Variants in PHLDB2 observed in about 807,000 individuals in gnomAD.
The protein encoded by PHLDB2 is pleckstrin homology-like domain family B member 2.
PHLDB2 carries 71 observed loss-of-function variants against 123.6 expected under a neutral mutation model. That is an observed-to-expected ratio of 0.57 (90% CI 0.47 to 0.70). The LOEUF (loss-of-function observed/expected upper bound fraction) is 0.70, where lower values mean the gene tolerates loss of function less well. PHLDB2 is among the 30% of genes least tolerant of loss of function. PHLDB2 has a pLI of 0.00. For synonymous variants in PHLDB2, 547 were observed against 541.6 expected (o/e 1.01, Z -0.14); for missense variants, 1,446 against 1,519.5 (o/e 0.95, Z 0.80).
chr3:111,834,246 T>TTATATATATAATTCTATTATATACATAA (rs2063281721), intron 1 of PHLDB2, among the ~76,000 whole-genome samples: 3 of 89,886 alleles, frequency 3.3e-5, no homozygotes, highest in African/African-American at 2.4e-4. Context: ...TATAATAGAA[T>TTATATATATAATTCTATTATATACATAA]TATATATATA....
At chr3:111,743,770 A>G (rs1418731948) in intron 1 of PHLDB2, among the ~76,000 whole-genome samples, 1 of 152,242 alleles carries the variant, frequency 6.6e-6, no homozygotes, top group Non-Finnish European at 1.5e-5. Flanking sequence ...CTTTTAGTGT[A>G]TAAGTGAAAA....
At chr3:111,757,472 G>C (rs1411158825) in intron 1 of PHLDB2, among the ~76,000 whole-genome samples, 3 of 152,126 alleles carry the variant, frequency 2.0e-5, no homozygotes, top group Non-Finnish European at 4.4e-5. Flanking sequence ...TTACACATTT[G>C]TCTAAATTTT....
intron 1 of PHLDB2, among the ~76,000 whole-genome samples, chr3:111,745,167 C>T (rs1332935316): frequency 6.6e-6 from 1 of 151,962 alleles, no homozygotes; most frequent in Non-Finnish European, 1.5e-5. Flanking sequence ...TATTTAAAAA[C>T]CTAAATAAGA....
intron 1 of PHLDB2, among the ~76,000 whole-genome samples, chr3:111,796,602 T>C (rs12635594): frequency 0.42 from 64,471 of 152,014 alleles, 15,138 homozygotes; most frequent in African/African-American, 0.63. Flanking sequence ...GGCATGATCT[T>C]GGCTCACTGC....
At chr3:111,829,693 A>C (rs2062842617) in intron 1 of PHLDB2, among the ~76,000 whole-genome samples, 1 of 151,630 alleles carries the variant, frequency 6.6e-6, no homozygotes, top group South Asian at 2.1e-4. Context: ...CGAACTCCTG[A>C]CCTGGTGATC....
rs954594860 is a variant in PHLDB2 at position 111,939,648 on chromosome 3, C to T, written c.2286+18C>T. On this transcript the variant is annotated intron_variant, in intron 7 of 17. Coordinates refer to ENST00000431670, the MANE Select transcript of PHLDB2 (RefSeq NM_001134438.2). Reference sequence around the variant, plus strand: ...CTAGAAAGGTACTTTTTCCAGGTGTCATTCAATGTGAAAAATCAAAATATA... The same window carrying T: ...CTAGAAAGGTACTTTTTCCAGGTGTTATTCAATGTGAAAAATCAAAATATA... The T allele has an allele frequency of 1.3e-6, 2 of 1,595,812 alleles. No homozygotes were observed. The highest frequency in any genetic ancestry group is 1.8e-5 in the Admixed American group (1 of 55,172).
At chr3:111,878,568 G>T (rs1376532608) in intron 1 of PHLDB2, among the ~76,000 whole-genome samples, 1 of 152,140 alleles carries the variant, frequency 6.6e-6, no homozygotes, top group Non-Finnish European at 1.5e-5. Flanking sequence ...GATTGCCCTG[G>T]CCAGAACTTC....
intron 1 of PHLDB2, among the ~76,000 whole-genome samples, chr3:111,796,489 G>A (rs987255609): frequency 5.3e-5 from 8 of 151,962 alleles, no homozygotes; most frequent in African/African-American, 7.3e-5. Flanking sequence ...CCATTTGTTC[G>A]CTTCTAACAG....
In PHLDB2 at chr3:111,869,517, C is replaced by T. The variant is rs554562961; in HGVS notation, c.-15+9941C>T. Among the ~76,000 whole-genome samples the T allele has an allele frequency of 3.9e-5, 6 of 152,282 alleles. No homozygotes were observed. In the East Asian group the frequency reaches 7.7e-4, roughly 20 times the overall value. On this transcript the variant is annotated intron_variant, in intron 1 of 17. Coordinates refer to ENST00000431670, the MANE Select transcript of PHLDB2 (RefSeq NM_001134438.2). Reference sequence around the variant, plus strand: ...AAAAGCAAGAAAGCAACTGTGTAATCGGTGTCCTGAGATATCAAAGCCACA... The same window carrying T: ...AAAAGCAAGAAAGCAACTGTGTAATTGGTGTCCTGAGATATCAAAGCCACA...
At chr3:111,802,707 G>A (rs962633568) in intron 1 of PHLDB2, among the ~76,000 whole-genome samples, 2 of 152,124 alleles carry the variant, frequency 1.3e-5, no homozygotes, top group African/African-American at 2.4e-5. Flanking sequence ...ACTTACATTC[G>A]TTACAGCAGA....
chr3:111,952,955 G>A lies in PHLDB2; in HGVS notation c.2772+243G>A, dbSNP rs139277642. On this transcript the variant is annotated intron_variant, in intron 11 of 17. Transcript: ENST00000431670. ...ACCAGCACAACCCAGGCGATGAGTG[G>A]CATTCACTTACATGATGGACTTCCG... Among the ~76,000 whole-genome samples, 193 of 152,268 alleles carry A rather than the reference G, an allele frequency of 1.3e-3. 1 individual carries two copies. The highest frequency in any genetic ancestry group is 4.4e-3 in the African/African-American group (183 of 41,532).
At chr3:111,957,981 A>AT (rs1306912202) in intron 12 of PHLDB2, 2 of 152,120 alleles carry the variant, frequency 1.3e-5, no homozygotes, top group Non-Finnish European at 2.9e-5. Flanking sequence ...TGTGTGAAAG[A>AT]TTTATTTGTC....
chr3:111,952,787 C>T, intron 11 of PHLDB2, 75 bp downstream of exon 11: 1 of 1,507,282 alleles, frequency 6.6e-7, no homozygotes. Context: ...TGTGTAAAGG[C>T]CTTTAAAGAA....
upstream of PHLDB2, among the ~76,000 whole-genome samples, chr3:111,858,583 G>T (rs184852815): frequency 2.0e-5 from 3 of 152,226 alleles, no homozygotes; most frequent in East Asian, 5.8e-4. Context: ...CTTCAGTGAC[G>T]GTATACTGAG....
chr3:111,777,870 C>A (rs910887731), intron 1 of PHLDB2, among the ~76,000 whole-genome samples: 1 of 152,004 alleles, frequency 6.6e-6, no homozygotes, highest in African/African-American at 2.4e-5. Flanking sequence ...ACCTGTTTTA[C>A]CCCAGTATAG....
intron 2 of PHLDB2, among the ~76,000 whole-genome samples, chr3:111,899,905 GA>G (rs2067092469): frequency 6.6e-6 from 1 of 152,106 alleles, no homozygotes; most frequent in African/African-American, 2.4e-5. Context: ...TGGCCCAGCT[GA>G]AAACCTGCTG....
At chr3:111,876,027 T>G (rs1335171445) in intron 1 of PHLDB2, among the ~76,000 whole-genome samples, 1 of 152,114 alleles carries the variant, frequency 6.6e-6, no homozygotes, top group Non-Finnish European at 1.5e-5. Context: ...AAATCACTAC[T>G]GATTTTTTTG....
chr3:111,745,072 A>G (rs1396589112), intron 1 of PHLDB2, among the ~76,000 whole-genome samples: 2 of 152,232 alleles, frequency 1.3e-5, no homozygotes, highest in East Asian at 3.8e-4. Context: ...GGCTATCAAT[A>G]AATTGCTGGA....
intron 13 of PHLDB2, among the ~76,000 whole-genome samples, chr3:111,962,586 G>A (rs1057505964): frequency 6.6e-6 from 1 of 152,104 alleles, no homozygotes; most frequent in African/African-American, 2.4e-5. Context: ...CTTTAAAATT[G>A]ATTTCCTTCT....
Sources: allele counts gnomAD v4.1 joint callset (sites outside exome capture counted in the v4.1 genomes callset), GRCh38; gene constraint gnomAD v4.1.1; transcripts MANE v1.5; gene names NCBI Gene and HGNC (gene_info 2026-07-23, HGNC 2026-07-21).